LMF1: variants seen among roughly 807,000 people sequenced by gnomAD.
LMF1 encodes the protein lipase maturation factor 1, also known as transmembrane protein 112.
LMF1 carries 68 observed loss-of-function variants against 60.6 expected under a neutral mutation model. That is an observed-to-expected ratio of 1.12 (90% CI 0.92 to 1.37). LMF1 has a LOEUF of 1.37. Among genes scored for constraint, LMF1 ranks in the 40% most tolerant of loss-of-function variants. The pLI is 0.00. For missense variants in LMF1, 948 were observed against 767.2 expected, an observed-to-expected ratio of 1.24 and a Z score of -2.78; for synonymous variants, 418 against 324.7, an observed-to-expected ratio of 1.29 and a Z score of -3.09.
upstream of LMF1, chr16:981,339 A>AGT (rs2073363841): frequency 1.3e-5 from 4 of 306,198 alleles, no homozygotes; most frequent in African/African-American, 8.7e-5. Flanking sequence ...AGAGAGAGAG[A>AGT]GAGAGAGAGT....
intron 3 of LMF1, among the ~76,000 whole-genome samples, chr16:928,828 A>T (rs1048992776): frequency 6.6e-6 from 1 of 152,058 alleles, no homozygotes. Context: ...GGAGGTAGAC[A>T]CCCGTACACA....
chr16:955,463 G>C (rs72769419), intron 1 of LMF1, among the ~76,000 whole-genome samples: 8,307 of 71,600 alleles, frequency 0.12, 620 homozygotes, highest in African/African-American at 0.22. Context: ...CAGACGCGGT[G>C]TGTGCATACA....
At chr16:931,873 T>G (rs2151784076) in intron 3 of LMF1, 1 of 1,186,686 alleles carries the variant, frequency 8.4e-7, no homozygotes, top group South Asian at 1.3e-5. Flanking sequence ...GAGTCAACAA[T>G]TCGCTTCTGA....
chr16:861,770 T>G (rs1450883450), intron 10 of LMF1, among the ~76,000 whole-genome samples: 1 of 152,230 alleles, frequency 6.6e-6, no homozygotes, highest in African/African-American at 2.4e-5. Context: ...GACACGCCTT[T>G]TCTTTCCTTG....
At chr16:856,846 A>ACTGGCAACAGCTGGGCAT (rs765596245) in intron 10 of LMF1, among the ~76,000 whole-genome samples, 112 of 152,288 alleles carry the variant, frequency 7.4e-4, no homozygotes, top group Non-Finnish European at 1.3e-3. Flanking sequence ...AATAGACCCT[A>ACTGGCAACAGCTGGGCAT]CTGGCAACAG....
At chr16:880,484 C>A (rs2070130125) in intron 5 of LMF1, among the ~76,000 whole-genome samples, 1 of 152,198 alleles carries the variant, frequency 6.6e-6, no homozygotes, top group Non-Finnish European at 1.5e-5. Flanking sequence ...CCAGCCTGGA[C>A]AACTTATCAA....
chr16:926,293 A>G (rs1404882244), intron 3 of LMF1, among the ~76,000 whole-genome samples: 5 of 151,040 alleles, frequency 3.3e-5, no homozygotes, highest in Non-Finnish European at 5.9e-5. Flanking sequence ...TGATCTGCAT[A>G]CGTGTCTGTG....
rs954812677 is a variant in LMF1, at chr16:959,274, T to C, written c.194-4608A>G. On this transcript the variant is annotated intron_variant, in intron 1 of 10. Coordinates refer to ENST00000262301, the MANE Select transcript of LMF1 (RefSeq NM_022773.4). ...CTGTTGGTTCAGGCAATAACATGGATGAATCTTAAGTGCATTTTGCTAAGC... is the reference window on the plus strand; with the variant it reads ...CTGTTGGTTCAGGCAATAACATGGACGAATCTTAAGTGCATTTTGCTAAGC... 5.3e-5 allele frequency among the ~76,000 whole-genome samples: 8 copies of C among 152,222 alleles called. No homozygotes were observed. In the South Asian group the frequency reaches 6.2e-4, roughly 12 times the overall value.
intron 3 of LMF1, among the ~76,000 whole-genome samples, chr16:913,214 G>A (rs1057488294): frequency 3.9e-5 from 6 of 152,334 alleles, no homozygotes; most frequent in South Asian, 2.1e-4. Flanking sequence ...CCACGGCTCC[G>A]GCGTCGTTTC....
Position 954,484 on chromosome 16 carries a change from G to A in LMF1, c.376C>T (p.Leu126=), listed in dbSNP as rs199877073. ...AGTCCGAGAAGAGCCAGCAAGTCCAGGTTGGAGTTCATGTCTGACCAGTCC... is the reference window on the plus strand; with the variant it reads ...AGTCCGAGAAGAGCCAGCAAGTCCAAGTTGGAGTTCATGTCTGACCAGTCC... ...LMDWSDMNSN[L]DLLALLGLGI... is the part of the protein sequence containing the mutation. The change falls in exon 2 of 11, where the codon CTG becomes TTG. Residue 126 remains leucine (L), a synonymous_variant. Transcript: ENST00000262301. 7.7e-5 allele frequency: 125 copies of A among 1,612,908 alleles called. No homozygotes were observed. In the African/African-American group the frequency reaches 1.4e-3, roughly 19 times the overall value.
intron 2 of LMF1, chr16:947,401 T>C (rs1210883952): frequency 2.3e-6 from 1 of 443,164 alleles, no homozygotes; most frequent in Non-Finnish European, 4.6e-6. Context: ...CCTCCTTACA[T>C]TGAAGTCCTG....
intron 10 of LMF1, 71 bp downstream of exon 10, chr16:868,873 A>C (rs2069688624): frequency 2.1e-6 from 2 of 963,574 alleles, no homozygotes; most frequent in Admixed American, 3.4e-5. Context: ...GTGCAGGTAC[A>C]GGTGGTGGGA....
At chr16:855,430 C>G (rs776960552) in intron 10 of LMF1, 1 of 353,178 alleles carries the variant, frequency 2.8e-6, no homozygotes, top group South Asian at 2.2e-5. Flanking sequence ...TTAGGCCATA[C>G]TGGGTCTTGG....
chr16:870,745 A>T lies in LMF1; in HGVS notation c.1216T>A (p.Tyr406Asn). 6.2e-7 allele frequency: 1 copy of T among 1,612,894 alleles called. No individual in the cohort carries two copies. Among genetic ancestry groups the T allele is most frequent in the Non-Finnish European group, 8.5e-7 (1 of 1,179,778 alleles). Residue 406 changes from tyrosine (Y) to asparagine (N), a missense_variant, in exon 8 of 11, where the codon TAC becomes AAC. Physicochemically the swap from Tyr to Asn is moderately radical, Grantham distance 143. Transcript: ENST00000262301. ...HFNSLHIVNT[Y>N]GAFGSITKER... ...GGCTCATACCTTCCGAAGGCCCCGT[A>T]AGTGTTGACGATGTGAAGAGAGTTG...
chr16:929,445 C>T (rs534953416), intron 3 of LMF1, among the ~76,000 whole-genome samples: 89 of 152,316 alleles, frequency 5.8e-4, no homozygotes, highest in African/African-American at 1.9e-3. Flanking sequence ...GGGAGGGTGC[C>T]GGCAAAGGCG....
At chr16:869,221 G>A (rs1312544897) in intron 9 of LMF1, 165 bp from the exon 10 acceptor site, 12 of 667,712 alleles carry the variant, frequency 1.8e-5, no homozygotes, top group Non-Finnish European at 3.3e-5. Context: ...TTAAGGGGCT[G>A]CCTGCTTCGT....
chr16:869,692 C>T, intron 9 of LMF1, 191 bp downstream of exon 9: 1 of 690,470 alleles, frequency 1.4e-6, no homozygotes, highest in South Asian at 1.8e-5. Context: ...GCTGGGCTCC[C>T]ACATGAGGCC....
intron 3 of LMF1, among the ~76,000 whole-genome samples, chr16:917,715 G>A (rs1024597380): frequency 2.0e-5 from 3 of 152,320 alleles, no homozygotes; most frequent in Non-Finnish European, 2.9e-5. Context: ...AGGTCCTGAT[G>A]TCAGCCCCAC....
Position 962,414 on chromosome 16 carries a change from C to T in LMF1, c.194-7748G>A, listed in dbSNP as rs1366654667. On this transcript the variant is annotated intron_variant, in intron 1 of 10. Transcript: ENST00000262301. This position sits in a 1 kb window ranked among gnomAD's most constrained non-coding sequence, Gnocchi z 4.5. ...CCCTTCAGGAGGCGGGGGCTGGACC[C>T]AGTGAGCGGCTTCCAGAGGACAGAG... is the stretch of plus-strand genomic sequence containing the variant. Among the ~76,000 whole-genome samples, 1 of 152,202 alleles carries T rather than the reference C, an allele frequency of 6.6e-6. No individual in the cohort carries two copies. Among genetic ancestry groups the T allele is most frequent in the Non-Finnish European group, 1.5e-5 (1 of 68,048 alleles).
Sources: allele counts gnomAD v4.1 joint callset (sites outside exome capture counted in the v4.1 genomes callset), GRCh38; gene constraint gnomAD v4.1.1; non-coding constraint Gnocchi (gnomAD v3.1); transcripts MANE v1.5; gene names NCBI Gene and HGNC (gene_info 2026-07-23, HGNC 2026-07-21).